Variants in SLC41A3 observed in about 807,000 individuals in gnomAD.
SLC41A3 encodes the protein SLC41A1-like 2.
Under a neutral mutation model 45.4 loss-of-function variants are expected in SLC41A3, and 44 were observed. The ratio of observed to expected loss-of-function variants is 0.97; its 90% CI spans 0.76 to 1.25. The LOEUF (loss-of-function observed/expected upper bound fraction) is 1.25. SLC41A3 is among the 50% of genes most tolerant of loss of function. The pLI, the probability that SLC41A3 is intolerant of heterozygous loss-of-function variation, is 0.00. For missense variants in SLC41A3, 550 were observed against 600.6 expected (o/e 0.92, Z 0.88); for synonymous variants, 256 against 252.4 (o/e 1.01, Z -0.13).
intron 9 of SLC41A3, among the ~76,000 whole-genome samples, chr3:126,009,855 G>A (rs1207118266): frequency 6.6e-6 from 1 of 152,232 alleles, no homozygotes; most frequent in African/African-American, 2.4e-5. Context: ...TCAATAAAAT[G>A]TTTAGGTGCA....
At chr3:126,101,100 C>A (rs920079723) in intron 1 of SLC41A3, among the ~76,000 whole-genome samples, 1 of 152,242 alleles carries the variant, frequency 6.6e-6, no homozygotes, top group Admixed American at 6.5e-5. Flanking sequence ...CTCCTTCCCC[C>A]GGGTCCAAGT....
At chr3:126,008,312 A>G (rs1055286152) in intron 10 of SLC41A3, among the ~76,000 whole-genome samples, 2 of 152,216 alleles carry the variant, frequency 1.3e-5, no homozygotes, top group Non-Finnish European at 2.9e-5. Context: ...TGTAGCATGC[A>G]TGTGGCATGC....
chr3:126,059,303 A>AGAGAGAAAG (rs1943917414), intron 2 of SLC41A3, among the ~76,000 whole-genome samples: 2 of 114,656 alleles, frequency 1.7e-5, no homozygotes, highest in African/African-American at 6.5e-5. Flanking sequence ...AGAAAGAAAG[A>AGAGAGAAAG]AAGAAAGGAA....
At chr3:126,073,657 T>C (rs183123799) in intron 1 of SLC41A3, among the ~76,000 whole-genome samples, 1 of 152,144 alleles carries the variant, frequency 6.6e-6, no homozygotes, top group East Asian at 1.9e-4. Flanking sequence ...CACAAACTAG[T>C]AATACTGACT....
chr3:126,010,288 C>T (rs1409347933), intron 9 of SLC41A3, among the ~76,000 whole-genome samples: 11 of 152,222 alleles, frequency 7.2e-5, no homozygotes, highest in Non-Finnish European at 1.6e-4. Context: ...GCCTGGCCAA[C>T]ATGGTGAAAC....
chr3:126,011,598 A>G (rs893287832), intron 9 of SLC41A3, among the ~76,000 whole-genome samples: 1 of 152,246 alleles, frequency 6.6e-6, no homozygotes, highest in African/African-American at 2.4e-5. Flanking sequence ...AACAAACCCC[A>G]AATAGGATAA....
intron 1 of SLC41A3, among the ~76,000 whole-genome samples, chr3:126,095,609 C>T (rs1015034870): frequency 3.9e-5 from 6 of 152,196 alleles, no homozygotes; most frequent in Non-Finnish European, 1.5e-5. Flanking sequence ...GCTTTCTGAT[C>T]TCAGTATTTA....
chr3:126,078,963 T>G (rs1342676602), intron 1 of SLC41A3: 1 of 152,272 alleles, frequency 6.6e-6, no homozygotes, highest in Non-Finnish European at 1.5e-5. Flanking sequence ...ATGCCCACAG[T>G]GTGTTCTCAC....
Position 126,068,143 on chromosome 3 carries a change from A to AG in SLC41A3, c.76dup (p.Leu26ProfsTer19), listed in dbSNP as rs1226518443. On this transcript the variant is annotated frameshift_variant, in exon 2 of 11. Transcript: ENST00000360370. LOFTEE classifies it high-confidence loss of function. The stretch of plus-strand genomic sequence containing the variant: ...GGCTACAGGGAGTCCTCCTGTGCTG[A>AG]GGGGGTGAGGAAGCCCCAGCTCCCC... The AG allele has an allele frequency of 6.2e-7, 1 of 1,605,236 alleles. No individual in the cohort carries two copies. Among genetic ancestry groups the AG allele is most frequent in the African/African-American group, 1.3e-5 (1 of 74,540 alleles).
chr3:126,056,960 A>C, intron 2 of SLC41A3: 1 of 1,053,196 alleles, frequency 9.5e-7, no homozygotes, highest in Non-Finnish European at 1.1e-6. Context: ...TGGGCTGGAC[A>C]GAGCTGAAGC....
intron 1 of SLC41A3, 129 bp downstream of exon 1, chr3:126,083,949 GCCCCCAGGGCCCGGC>G (rs1945300582): frequency 7.0e-6 from 1 of 142,144 alleles, no homozygotes; most frequent in Non-Finnish European, 1.5e-5. Flanking sequence ...CTCCCGCCGA[GCCCCCAGGGCCCGGC>G]GCCCGGCTCA....
chr3:126,038,430 G>A (rs1326162114), intron 3 of SLC41A3, among the ~76,000 whole-genome samples: 3 of 152,238 alleles, frequency 2.0e-5, no homozygotes, highest in Non-Finnish European at 4.4e-5. Context: ...AAGTCCAGAG[G>A]CCTTGGGAGC....
chr3:126,083,001 A>G (rs1378551704), intron 1 of SLC41A3, among the ~76,000 whole-genome samples: 1 of 150,298 alleles, frequency 6.7e-6, no homozygotes, highest in East Asian at 1.9e-4. Flanking sequence ...GTGACCTTGG[A>G]AAAATTAAAC....
rs1356772652 is a variant in SLC41A3, at chr3:126,006,804, C to A, written c.*212G>T. On this transcript the variant is annotated 3_prime_UTR_variant, in exon 11 of 11. Coordinates refer to ENST00000360370, the MANE Select transcript of SLC41A3 (RefSeq NM_017836.4). Reference sequence around the variant, plus strand: ...TGTGCACACATCATATTCACACACTCAAGCCATGCTCTTGATTTCAGGGCT... The same window carrying A: ...TGTGCACACATCATATTCACACACTAAAGCCATGCTCTTGATTTCAGGGCT... 1.4e-6 allele frequency: 2 copies of A among 1,444,176 alleles called. No homozygotes were observed. The highest frequency in any genetic ancestry group is 1.8e-6 in the Non-Finnish European group (2 of 1,105,184). 89.5% of individuals were successfully genotyped at this position (1,444,176 alleles called of 1,614,324 possible).
chr3:126,063,594 G>T (rs1485148159), intron 2 of SLC41A3, among the ~76,000 whole-genome samples: 1 of 152,194 alleles, frequency 6.6e-6, no homozygotes, highest in Non-Finnish European at 1.5e-5. Flanking sequence ...CCCACTTGGG[G>T]GTAGAGAGCT....
At chr3:126,067,833 C>T in intron 2 of SLC41A3, 114 bp downstream of exon 2, 1 of 1,378,434 alleles carries the variant, frequency 7.3e-7, no homozygotes, top group Admixed American at 2.5e-5. Flanking sequence ...AAAAAAATGG[C>T]TTTTCAAGAG....
intron 7 of SLC41A3, 53 bp downstream of exon 7, chr3:126,016,678 G>C: frequency 1.3e-6 from 2 of 1,563,182 alleles, no homozygotes; most frequent in Non-Finnish European, 1.7e-6. Flanking sequence ...TGGTTCTAGG[G>C]GCCTTCATGG....
chr3:126,027,289 G>A (rs961260809), intron 4 of SLC41A3, among the ~76,000 whole-genome samples: 1 of 139,520 alleles, frequency 7.2e-6, no homozygotes, highest in African/African-American at 2.7e-5. Flanking sequence ...GAAGTCATCG[G>A]TGATCATGAG....
At chr3:126,027,715 ACTT>A (rs1159072600) in intron 4 of SLC41A3, among the ~76,000 whole-genome samples, 7 of 152,168 alleles carry the variant, frequency 4.6e-5, no homozygotes, top group African/African-American at 9.7e-5. Context: ...CTTCCTCAAG[ACTT>A]GTTAAATGTT....
Sources: allele counts gnomAD v4.1 joint callset (sites outside exome capture counted in the v4.1 genomes callset), GRCh38; gene constraint gnomAD v4.1.1; transcripts MANE v1.5; gene names NCBI Gene and HGNC (gene_info 2026-07-23, HGNC 2026-07-21).